The following NDRG4 variants were observed in gnomAD, a reference collection of about 807,000 sequenced individuals.
NDRG4 encodes NDRG family member 4, also known as protein NDRG4.
In NDRG4, 38 loss-of-function variants were observed where a neutral mutation model predicts 55.8. That is an observed-to-expected ratio of 0.68 (90% confidence interval 0.53 to 0.89). NDRG4 has a LOEUF of 0.89. Ranked by LOEUF, NDRG4 falls within the 40% of genes least tolerant of loss-of-function variation. The pLI is 0.00. For synonymous variants in NDRG4, 190 were observed against 182.7 expected (o/e 1.04, Z -0.32); for missense variants, 455 against 468.6 (o/e 0.97, Z 0.27).
upstream of NDRG4, among the ~76,000 whole-genome samples, chr16:58,497,637 G>A (rs1476455769): frequency 6.6e-6 from 1 of 152,230 alleles, no homozygotes; most frequent in Non-Finnish European, 1.5e-5. Flanking sequence ...GCTCAGAGAG[G>A]TTGATTGACT....
chr16:58,478,697 G>GTTTTTTTTTTTTTTTGTTTT, intron 1 of NDRG4, among the ~76,000 whole-genome samples: 1 of 137,754 alleles, frequency 7.3e-6, no homozygotes, highest in Non-Finnish European at 1.5e-5. Context: ...TTTGTTTTTT[G>GTTTTTTTTTTTTTTTGTTTT]TTTTTTTTTT....
intron 1 of NDRG4, among the ~76,000 whole-genome samples, chr16:58,503,329 C>G (rs371381932): frequency 7.2e-5 from 11 of 151,906 alleles, no homozygotes; most frequent in South Asian, 2.1e-4. Flanking sequence ...GTGCCGGGGT[C>G]GGGGCTAGGC....
intron 1 of NDRG4, chr16:58,500,693 G>A (rs1474432493): frequency 9.3e-6 from 4 of 428,768 alleles, no homozygotes; most frequent in Middle Eastern, 5.8e-4. Context: ...GCCAGGGGGC[G>A]GGGGTGTCCT....
At chr16:58,490,247 G>A (rs2035621046) in intron 2 of NDRG4, among the ~76,000 whole-genome samples, 1 of 152,232 alleles carries the variant, frequency 6.6e-6, no homozygotes, top group African/African-American at 2.4e-5. Flanking sequence ...GTGCTGAAGT[G>A]TGCAGGTTGC....
intron 1 of NDRG4, among the ~76,000 whole-genome samples, chr16:58,482,738 T>C (rs1438471901): frequency 7.9e-6 from 1 of 126,442 alleles, no homozygotes; most frequent in African/African-American, 2.9e-5. Flanking sequence ...CCTCCCTTCC[T>C]TCCTCCCTCC....
At chr16:58,486,267 T>C (rs973201573) in intron 1 of NDRG4, among the ~76,000 whole-genome samples, 1 of 152,114 alleles carries the variant, frequency 6.6e-6, no homozygotes, top group Non-Finnish European at 1.5e-5. Flanking sequence ...TCTCAAGTGA[T>C]CCTCCCACCT....
At chr16:58,510,792 A>T (rs570426783) in intron 14 of NDRG4, 109 bp downstream of exon 14, 2 of 1,038,100 alleles carry the variant, frequency 1.9e-6, no homozygotes, top group East Asian at 5.2e-5. Flanking sequence ...GTGGTTTGGA[A>T]CCTTCTTGTG....
Position 58,506,676 on chromosome 16 carries a change from G to A in NDRG4, c.516+62G>A, listed in dbSNP as rs552866640. The A allele has an allele frequency of 2.7e-5, 41 of 1,524,128 alleles. 1 individual carries two copies. The South Asian group carries it at 3.9e-4, about 14-fold the overall frequency. The allele number at this position is 1,524,128 out of a possible 1,614,324, so 94.4% of individuals were successfully genotyped here. A position where few individuals can be genotyped will look rare whatever the true frequency, so the allele number is the denominator to read the frequency against. On this transcript the variant is annotated intron_variant, in intron 7 of 14. Transcript: ENST00000570248. ...GGGATTTGCCCCTCCCAGCTGGCTC[G>A]GTAGGAGGCAGGCGGGTGTCTTTGG...
At chr16:58,468,010 T>C (rs2151546195) in intron 1 of NDRG4, among the ~76,000 whole-genome samples, 1 of 152,316 alleles carries the variant, frequency 6.6e-6, no homozygotes, top group Non-Finnish European at 1.5e-5. Flanking sequence ...GCTGTGTCTC[T>C]GGGGGACCCT....
In NDRG4 at chr16:58,512,069, AACAGCCACAAGGGGGCGCTCGGACCAG is replaced by A. The variant is rs1295464008; in HGVS notation, c.*494_*520del. 2 of 456,842 alleles carry A rather than the reference AACAGCCACAAGGGGGCGCTCGGACCAG, an allele frequency of 4.4e-6. No individual in the cohort carries two copies. The highest frequency in any genetic ancestry group is 3.1e-5 in the South Asian group (2 of 64,576). 28.3% of individuals were successfully genotyped at this position (456,842 alleles called of 1,614,324 possible). Reference sequence around the variant, plus strand: ...TAGCACATGTGACAATCATCTGGACAACAGCCACAAGGGGGCGCTCGGACCAGGCAGCCACTTTCCTGGTGCTCTCTG... The same window carrying A: ...TAGCACATGTGACAATCATCTGGACAGCAGCCACTTTCCTGGTGCTCTCTG... On this transcript the variant is annotated 3_prime_UTR_variant, in exon 15 of 15. Transcript: ENST00000570248.
chr16:58,487,809 G>C, exon 2 of NDRG4: 1 of 1,544,024 alleles, frequency 6.5e-7, no homozygotes, highest in Non-Finnish European at 8.7e-7. Context: ...GCGATTCCCT[G>C]AGGAGAAGCC....
chr16:58,484,714 G>A (rs1027882380), intron 1 of NDRG4, among the ~76,000 whole-genome samples: 4 of 152,130 alleles, frequency 2.6e-5, no homozygotes, highest in African/African-American at 9.7e-5. Context: ...ATCAAGAAGT[G>A]GAAAAGCATG....
chr16:58,503,205 G>T (rs750360144), intron 1 of NDRG4, among the ~76,000 whole-genome samples: 25 of 152,180 alleles, frequency 1.6e-4, no homozygotes, highest in Admixed American at 3.3e-4. Flanking sequence ...GGGGAGGGGG[G>T]TCTGACCCGG....
chr16:58,506,862 G>A (rs755465566), intron 7 of NDRG4, 50 bp from the exon 8 acceptor site: 41 of 1,535,056 alleles, frequency 2.7e-5, no homozygotes, highest in South Asian at 5.7e-5. Context: ...CTAAGCCTGC[G>A]TCCCTCTGTC....
chr16:58,472,375 C>G (rs1321183142), intron 1 of NDRG4: 1 of 152,178 alleles, frequency 6.6e-6, no homozygotes, highest in Non-Finnish European at 1.5e-5. Context: ...TCTGAAAGTG[C>G]CTGGGTTGGG....
At chr16:58,497,836 C>T (rs950448585), upstream of NDRG4, among the ~76,000 whole-genome samples, 15 of 152,172 alleles carry the variant, frequency 9.9e-5, no homozygotes, top group Admixed American at 9.2e-4. Context: ...CTGCCAGGAC[C>T]TGGGCAGGGG....
chr16:58,492,250 T>C (rs1028743151), intron 2 of NDRG4, among the ~76,000 whole-genome samples: 7 of 152,252 alleles, frequency 4.6e-5, no homozygotes. Flanking sequence ...CCTCTGCTCC[T>C]ATGTCCCCAT....
At chr16:58,503,517 G>A (rs2037431214) in intron 1 of NDRG4, among the ~76,000 whole-genome samples, 1 of 152,146 alleles carries the variant, frequency 6.6e-6, no homozygotes, top group African/African-American at 2.4e-5. Flanking sequence ...GACCCTCAAG[G>A]GCGGAGGACA....
intron 1 of NDRG4, chr16:58,501,375 AGAG>A: frequency 3.3e-6 from 1 of 299,862 alleles, no homozygotes; most frequent in South Asian, 1.6e-4. Flanking sequence ...GGACCGACCG[AGAG>A]GAGCCGCCAC....
Sources: gnomAD v4.1 joint callset for allele counts (sites outside exome capture counted in the v4.1 genomes callset) on GRCh38, gnomAD v4.1.1 for gene constraint, MANE v1.5 for transcripts, NCBI Gene and HGNC (gene_info 2026-07-23, HGNC 2026-07-21) for gene names.